TENM2: variants seen among roughly 807,000 people sequenced by gnomAD.
TENM2 encodes teneurin-2.
Under a neutral mutation model 245.2 loss-of-function variants are expected in TENM2, and 52 were observed. The observed-to-expected ratio is 0.21, with a 90% confidence interval of 0.17 to 0.27. TENM2 has a LOEUF of 0.27. TENM2 is among the 10% of genes least tolerant of loss of function. The pLI, the probability that TENM2 is intolerant of heterozygous loss-of-function variation, is 1.00. For missense variants in TENM2, 3,046 were observed against 3,666.8 expected, an observed-to-expected ratio of 0.83 and a Z score of 4.37; for synonymous variants, 1,363 against 1,438.9, an observed-to-expected ratio of 0.95 and a Z score of 1.19.
chr5:167,072,282 A>T, the TENM2 span, among the ~76,000 whole-genome samples: 3 of 152,226 alleles, frequency 2.0e-5, no homozygotes, highest in Non-Finnish European at 4.4e-5. Context: ...CTCCCTCTTT[A>T]TCAAGCCCTC....
intron 2 of TENM2, among the ~76,000 whole-genome samples, chr5:167,872,533 AAAGAAAGAAAGAAAG>A (rs1773032662): frequency 1.9e-5 from 1 of 52,742 alleles, no homozygotes; most frequent in South Asian, 7.1e-4. Context: ...AGAAAGAAAG[AAAGAAAGAAAGAAAG>A]AGAAAGAAAG....
the TENM2 span, among the ~76,000 whole-genome samples, chr5:167,080,082 G>A: frequency 4.1e-3 from 631 of 152,216 alleles, 6 homozygotes; most frequent in Middle Eastern, 0.078. Flanking sequence ...TAAATGTTGC[G>A]TATCTTCCTG....
intron 9 of TENM2, among the ~76,000 whole-genome samples, chr5:168,112,797 C>T (rs576119563): frequency 6.6e-6 from 1 of 152,180 alleles, no homozygotes; most frequent in African/African-American, 2.4e-5. Context: ...TGCCTGGCCT[C>T]CATGACCTAA....
At chr5:168,084,559 G>T (rs1792282518) in intron 7 of TENM2, among the ~76,000 whole-genome samples, 1 of 152,176 alleles carries the variant, frequency 6.6e-6, no homozygotes, top group Non-Finnish European at 1.5e-5. Flanking sequence ...TTATGCAAAG[G>T]CAGGATTAAC....
intron 2 of TENM2, among the ~76,000 whole-genome samples, chr5:167,627,640 C>T (rs1778596371): frequency 6.6e-6 from 1 of 151,880 alleles, no homozygotes; most frequent in Admixed American, 6.6e-5. Context: ...TCACTGCAAC[C>T]TCCACCTCCC....
intron 5 of TENM2, among the ~76,000 whole-genome samples, chr5:168,026,375 A>T (rs1786631488): frequency 1.3e-5 from 2 of 152,206 alleles, no homozygotes; most frequent in Admixed American, 1.3e-4. Context: ...TGAAGTTAGG[A>T]TGAGCAGCAG....
chr5:167,952,815 G>A, exon 4 of TENM2: 1 of 1,554,944 alleles, frequency 6.4e-7, no homozygotes, highest in Non-Finnish European at 8.7e-7. Flanking sequence ...CGTGCCACTG[G>A]AGACCCGGTA....
chr5:167,755,101 A>G (rs1762216358), intron 2 of TENM2: 3 of 1,598,892 alleles, frequency 1.9e-6, no homozygotes, highest in Non-Finnish European at 2.5e-6. Flanking sequence ...GCACAATTGA[A>G]TGCAAGCCAG....
intron 2 of TENM2, among the ~76,000 whole-genome samples, chr5:167,536,035 G>A (rs1529694): frequency 0.58 from 88,703 of 151,808 alleles, 26,560 homozygotes; most frequent in East Asian, 0.78. Context: ...TTATTAGTGT[G>A]AAGATACTCT....
the TENM2 span, among the ~76,000 whole-genome samples, chr5:167,211,459 T>C: frequency 1.3e-5 from 2 of 152,316 alleles, no homozygotes; most frequent in South Asian, 4.1e-4. Flanking sequence ...ATAATACATT[T>C]AGGCATAACA....
At chr5:167,890,935 T>C (rs1774701562) in intron 3 of TENM2, among the ~76,000 whole-genome samples, 1 of 152,210 alleles carries the variant, frequency 6.6e-6, no homozygotes, top group South Asian at 2.1e-4. Context: ...GTGAGGAAGA[T>C]GTAGAAGGTA....
At chr5:167,828,970 C>A (rs757566338) in intron 2 of TENM2, among the ~76,000 whole-genome samples, 1 of 152,200 alleles carries the variant, frequency 6.6e-6, no homozygotes, top group Non-Finnish European at 1.5e-5. Flanking sequence ...TCTGCCTTGC[C>A]TCTTGTCGCC....
intron 2 of TENM2, among the ~76,000 whole-genome samples, chr5:167,577,575 T>G (rs1002038133): frequency 6.6e-6 from 1 of 152,214 alleles, no homozygotes; most frequent in African/African-American, 2.4e-5. Context: ...TTATTTTTAT[T>G]TGATTCAAAT....
At chr5:168,047,339 G>C in intron 5 of TENM2, 88 bp from the exon 8 acceptor site, 1 of 1,469,142 alleles carries the variant, frequency 6.8e-7, no homozygotes, top group Non-Finnish European at 9.3e-7. Context: ...AAAGGCAATC[G>C]CTTGGAAAAG....
chr5:167,824,800 A>C (rs1767820863), intron 2 of TENM2, among the ~76,000 whole-genome samples: 4 of 152,228 alleles, frequency 2.6e-5, no homozygotes, highest in Admixed American at 2.6e-4. Context: ...AACACACCTA[A>C]GTTTTACAAT....
the TENM2 span, among the ~76,000 whole-genome samples, chr5:167,187,638 C>T: frequency 6.6e-6 from 1 of 152,122 alleles, no homozygotes; most frequent in Admixed American, 6.6e-5. Context: ...ACAGTCCCAT[C>T]AGCATTAGCT....
At chr5:167,155,787 G>A in the TENM2 span, among the ~76,000 whole-genome samples, 6 of 152,242 alleles carry the variant, frequency 3.9e-5, no homozygotes, top group African/African-American at 1.4e-4. Context: ...CTCTGCAAGT[G>A]AAAAGCAGGA....
At chr5:167,495,989 A>G (rs1454530831) in intron 2 of TENM2, among the ~76,000 whole-genome samples, 1 of 152,066 alleles carries the variant, frequency 6.6e-6, no homozygotes, top group Non-Finnish European at 1.5e-5. Flanking sequence ...TTCCTCTACC[A>G]TATACAAAAC....
chr5:167,661,341 T>C (rs1173828190), intron 2 of TENM2, among the ~76,000 whole-genome samples: 3 of 152,202 alleles, frequency 2.0e-5, no homozygotes, highest in Non-Finnish European at 4.4e-5. Flanking sequence ...GAATTCACAC[T>C]CTGGCTCATT....
Sources: gnomAD v4.1 joint callset for allele counts (sites outside exome capture counted in the v4.1 genomes callset) on GRCh38, gnomAD v4.1.1 for gene constraint, MANE v1.5 for transcripts, NCBI Gene and HGNC (gene_info 2026-07-23, HGNC 2026-07-21) for gene names.